MAPKBP1: variants seen among roughly 807,000 people sequenced by gnomAD.
MAPKBP1 encodes mitogen-activated protein kinase-binding protein 1.
Under a neutral mutation model 170.5 loss-of-function variants are expected in MAPKBP1, and 71 were observed. The ratio of observed to expected loss-of-function variants is 0.42; its 90% CI spans 0.34 to 0.51. The LOEUF is 0.51. Ranked by LOEUF, MAPKBP1 falls within the 20% of genes least tolerant of loss-of-function variation. MAPKBP1 has a pLI of 0.06. For missense variants in MAPKBP1, 1,598 were observed against 1,933.0 expected, an observed-to-expected ratio of 0.83 and a Z score of 3.25; for synonymous variants, 719 against 757.9, an observed-to-expected ratio of 0.95 and a Z score of 0.84.
At chr15:41,796,335 C>T (rs2064488322) in intron 2 of MAPKBP1, among the ~76,000 whole-genome samples, 1 of 152,128 alleles carries the variant, frequency 6.6e-6, no homozygotes, top group South Asian at 2.1e-4. Flanking sequence ...AGCTCTACCA[C>T]CTTCTTGGAA....
At chr15:41,813,232 G>C in intron 8 of MAPKBP1, 131 bp downstream of exon 8, 1 of 1,504,738 alleles carries the variant, frequency 6.6e-7, no homozygotes, top group Non-Finnish European at 9.2e-7. Flanking sequence ...AAGCTTGGGG[G>C]AGCTAGAGCT....
chr15:41,779,816 CAA>C (rs944776002), intron 2 of MAPKBP1, among the ~76,000 whole-genome samples: 1 of 152,250 alleles, frequency 6.6e-6, no homozygotes, highest in Non-Finnish European at 1.5e-5. Flanking sequence ...GAATGACCTT[CAA>C]AGCTCTTGTT....
At chr15:41,787,470 C>G (rs1346786377) in intron 2 of MAPKBP1, among the ~76,000 whole-genome samples, 1 of 152,042 alleles carries the variant, frequency 6.6e-6, no homozygotes, top group Non-Finnish European at 1.5e-5. Context: ...CAAGTTCAAG[C>G]AATTCTCCTG....
intron 6 of MAPKBP1, among the ~76,000 whole-genome samples, 186 bp from the exon 7 acceptor site, chr15:41,812,330 C>T (rs549498432): frequency 6.6e-6 from 1 of 152,362 alleles, no homozygotes; most frequent in South Asian, 2.1e-4. Context: ...AAGACTTCTG[C>T]AGGAAACGAA....
chr15:41,819,731 T>C (rs1289401121), intron 22 of MAPKBP1, 81 bp downstream of exon 22: 3 of 1,430,438 alleles, frequency 2.1e-6, no homozygotes, highest in Non-Finnish European at 2.9e-6. Flanking sequence ...CTGGGCCTGG[T>C]AGGGTACTGG....
intron 3 of MAPKBP1, among the ~76,000 whole-genome samples, chr15:41,801,459 G>A (rs2152074597): frequency 6.6e-6 from 1 of 152,268 alleles, no homozygotes; most frequent in East Asian, 1.9e-4. Flanking sequence ...ACTTGTTAAT[G>A]CCTAGTTCAT....
At position 41,818,641 on chromosome 15, in the gene MAPKBP1, C is replaced by T; in HGVS notation, c.2156+59C>T. The T allele has an allele frequency of 1.3e-6, 2 of 1,538,042 alleles. No individual in the cohort carries two copies. Among genetic ancestry groups the T allele is most frequent in the Non-Finnish European group, 8.9e-7 (1 of 1,124,740 alleles). ...TCTTACTCTGCCACAGCACCCTGCC[C>T]TCCCCTCTCTCCATTTCAGTGATGT... On this transcript the variant is annotated intron_variant, in intron 19 of 30. Coordinates refer to ENST00000457542, the MANE Select transcript of MAPKBP1 (RefSeq NM_014994.3). This position sits in a 1 kb window ranked among gnomAD's most constrained non-coding sequence, Gnocchi z 5.2.
chr15:41,818,879 T>G lies in MAPKBP1; in HGVS notation c.2213T>G (p.Leu738Arg). ...ATGACCATCAGCATGAGGCAGCGTC[T>G]GGCCGAGTTGCGCCAGCGTCAGCGG... ...SEMTISMRQR[L>R]AELRQRQRGG... The change falls in exon 20 of 31, where the codon CTG (leucine) becomes CGG (arginine). Residue 738 changes from leucine to arginine, a missense_variant. Physicochemically the swap from Leu to Arg is moderately radical, Grantham distance 102. Transcript: ENST00000457542. This position sits in a 1 kb window ranked among gnomAD's most constrained non-coding sequence, Gnocchi z 5.2. The G allele has an allele frequency of 6.2e-7, 1 of 1,614,266 alleles. No individual in the cohort carries two copies. Among genetic ancestry groups the G allele is most frequent in the Non-Finnish European group, 8.5e-7 (1 of 1,180,048 alleles).
chr15:41,808,577 G>T (rs936253136), intron 3 of MAPKBP1, among the ~76,000 whole-genome samples: 1 of 150,950 alleles, frequency 6.6e-6, no homozygotes, highest in African/African-American at 2.4e-5. Flanking sequence ...CTGGGTTCAA[G>T]CAATTCTCCT....
chr15:41,812,112 CG>C lies in MAPKBP1; in HGVS notation c.484del (p.Val162CysfsTer19), dbSNP rs1567148275. 2 of 1,614,050 alleles carry C rather than the reference CG, an allele frequency of 1.2e-6. No homozygotes were observed. The highest frequency in any genetic ancestry group is 8.5e-7 in the Non-Finnish European group (1 of 1,180,012). On this transcript the variant is annotated frameshift_variant, in exon 6 of 31. Transcript: ENST00000457542. LOFTEE classifies it high-confidence loss of function. ...GCTACCAGCATGACATGATCGTCAA[CG>C]TGTGGGCCTGGAAGGTGAGTGGCTG... ...VGYQHDMIVNVWAWKKNIVVA... is the reference protein window; with the variant it reads ...VGYQHDMIVNXWAWKKNIVVA...
At chr15:41,813,276 C>G (rs1197606018) in intron 8 of MAPKBP1, 175 bp downstream of exon 8, 21 of 1,519,514 alleles carry the variant, frequency 1.4e-5, no homozygotes, top group Non-Finnish European at 1.6e-5. Flanking sequence ...ATCTGTATAA[C>G]TGCCTCCTCT....
In MAPKBP1 at chr15:41,825,202, A is replaced by AT. The variant is rs750244849; in HGVS notation, c.4300-4dup. ...CCTCCACCTCACTTCTGGGGGTGCT[A>AT]TTTCAGGTGGCTGGCTGCAAGATGC... On this transcript the variant is annotated splice_polypyrimidine_tract_variant and splice_region_variant and intron_variant, in intron 30 of 30. Coordinates refer to ENST00000457542, the MANE Select transcript of MAPKBP1 (RefSeq NM_014994.3). 1.0e-5 allele frequency: 16 copies of AT among 1,575,092 alleles called. No homozygotes were observed. The highest frequency in any genetic ancestry group is 1.7e-5 in the Admixed American group (1 of 57,558).
rs150872011 is a variant in MAPKBP1 at position 41,813,736 on chromosome 15, G to A, written c.935G>A (p.Arg312Gln). ...CTGCACTTCCTTAGCACCTTGCCCC[G>A]ACCCCATGCTCTGGGGACAGACATT... ...SNLHFLSTLP[R>Q]PHALGTDIAS... The change falls in exon 9 of 31, where the codon CGA becomes CAA. Residue 312 changes from arginine to glutamine, a missense_variant. By Grantham distance (43) the Arg-to-Gln change is conservative. This residue lies in a region of MAPKBP1 where 430 missense variants were observed against 617.2 expected (regional missense o/e 0.70). Coordinates refer to ENST00000457542, the MANE Select transcript of MAPKBP1 (RefSeq NM_014994.3). 2.8e-5 allele frequency: 45 copies of A among 1,611,810 alleles called. No homozygotes were observed. Among genetic ancestry groups the A allele is most frequent in the Admixed American group, 5.0e-5 (3 of 59,572 alleles).
chr15:41,820,785 A>T, intron 22 of MAPKBP1, 47 bp from the exon 23 acceptor site: 1 of 1,375,834 alleles, frequency 7.3e-7, no homozygotes, highest in Non-Finnish European at 1.0e-6. Context: ...TGTTGATCTT[A>T]CTGTGTGGTT....
At position 41,817,796 on chromosome 15, in the gene MAPKBP1, G is replaced by T. The variant is rs1238916963; in HGVS notation, c.1904+61G>T. 1 of 1,594,312 alleles carries T rather than the reference G, an allele frequency of 6.3e-7. No individual in the cohort carries two copies. Among genetic ancestry groups the T allele is most frequent in the African/African-American group, 1.3e-5 (1 of 74,394 alleles). On this transcript the variant is annotated intron_variant, in intron 16 of 30. Transcript: ENST00000457542. The surrounding 1 kb of genome is among the most constrained non-coding windows in gnomAD (Gnocchi z 4.2). ...TTCATCTCCCTACGGGGTCAGCTCT[G>T]TGCAGCTAAGTTCCCACATCTGTCG... is the stretch of plus-strand genomic sequence containing the variant.
At chr15:41,819,547 C>CCGGGG in intron 21 of MAPKBP1, 48 bp from the exon 22 acceptor site, 3 of 1,228,192 alleles carry the variant, frequency 2.4e-6, no homozygotes, top group African/African-American at 1.9e-5. Flanking sequence ...GGTTGGGTGG[C>CCGGGG]GGGGGGGGGG....
chr15:41,777,177 C>T (rs2064112305), intron 2 of MAPKBP1, among the ~76,000 whole-genome samples: 1 of 152,004 alleles, frequency 6.6e-6, no homozygotes, highest in Admixed American at 6.6e-5. Context: ...CTCATCTCTA[C>T]TAAAAATACA....
At chr15:41,780,301 T>G (rs1196127752) in intron 2 of MAPKBP1, among the ~76,000 whole-genome samples, 1 of 152,200 alleles carries the variant, frequency 6.6e-6, no homozygotes, top group Non-Finnish European at 1.5e-5. Flanking sequence ...AAAAAACAGG[T>G]AGAAATGAGG....
intron 5 of MAPKBP1, 167 bp downstream of exon 5, chr15:41,811,402 G>C: frequency 1.3e-6 from 1 of 747,138 alleles, no homozygotes; most frequent in Non-Finnish European, 2.4e-6. Context: ...GTGTACATCA[G>C]AATCACTTGG....
Sources: allele counts gnomAD v4.1 joint callset (sites outside exome capture counted in the v4.1 genomes callset), GRCh38; gene constraint gnomAD v4.1.1; regional missense constraint gnomAD v4.1.1; non-coding constraint Gnocchi (gnomAD v3.1); transcripts MANE v1.5; gene names NCBI Gene and HGNC (gene_info 2026-07-23, HGNC 2026-07-21).